The following RANBP2 variants were observed in gnomAD, a reference collection of about 807,000 sequenced individuals.
RANBP2 encodes the protein E3 SUMO-protein ligase RanBP2.
RANBP2 carries 57 observed loss-of-function variants against 303.6 expected under a neutral mutation model. The observed-to-expected ratio is 0.19, with a 90% CI of 0.15 to 0.23. The LOEUF (loss-of-function observed/expected upper bound fraction) is 0.23. RANBP2 is among the 10% of genes least tolerant of loss of function. RANBP2 has a pLI of 1.00. For synonymous variants in RANBP2, 1,167 were observed against 1,301.5 expected (o/e 0.90, Z 2.23); for missense variants, 3,138 against 3,780.8 (o/e 0.83, Z 4.46).
the RANBP2 span, among the ~76,000 whole-genome samples, chr2:109,524,581 A>C: frequency 6.6e-6 from 1 of 151,770 alleles, no homozygotes; most frequent in African/African-American, 2.4e-5. Flanking sequence ...ACATGGTGAA[A>C]CCCTGTCTCT....
the RANBP2 span, among the ~76,000 whole-genome samples, chr2:109,278,010 C>CAAAAA: frequency 1.4e-4 from 11 of 81,284 alleles, no homozygotes; most frequent in African/African-American, 2.1e-4. Flanking sequence ...CTGTCTCTAA[C>CAAAAA]AAAAAAAAAA....
the RANBP2 span, among the ~76,000 whole-genome samples, chr2:109,680,156 T>A: frequency 1.4e-5 from 2 of 142,868 alleles, no homozygotes; most frequent in Non-Finnish European, 3.0e-5. Flanking sequence ...CCATCCTGGC[T>A]AACATGGTGA....
the RANBP2 span, among the ~76,000 whole-genome samples, chr2:109,169,721 T>C: frequency 6.6e-6 from 1 of 150,764 alleles, no homozygotes; most frequent in African/African-American, 2.5e-5. Context: ...TATCTATATA[T>C]ATAACCAAAA....
chr2:108,891,575 T>C, the RANBP2 span, among the ~76,000 whole-genome samples: 1 of 152,212 alleles, frequency 6.6e-6, no homozygotes, highest in Non-Finnish European at 1.5e-5. Flanking sequence ...GGGCTAAGTG[T>C]GCCTGTTTGT....
the RANBP2 span, among the ~76,000 whole-genome samples, chr2:109,116,314 G>A: frequency 6.6e-6 from 1 of 152,124 alleles, no homozygotes; most frequent in Non-Finnish European, 1.5e-5. Context: ...ATATTTCTTG[G>A]AGGCTTTGTT....
the RANBP2 span, among the ~76,000 whole-genome samples, chr2:109,287,562 G>A: frequency 6.6e-6 from 1 of 152,344 alleles, no homozygotes; most frequent in Admixed American, 6.5e-5. Flanking sequence ...CCTTGACCCT[G>A]TTGGTGCTGG....
the RANBP2 span, among the ~76,000 whole-genome samples, chr2:109,012,806 C>T: frequency 1.3e-4 from 20 of 152,144 alleles, no homozygotes; most frequent in South Asian, 2.1e-4. Flanking sequence ...CCCAGCTACT[C>T]GGGAGGCTGA....
chr2:108,835,633 T>C, the RANBP2 span, among the ~76,000 whole-genome samples: 1 of 152,246 alleles, frequency 6.6e-6, no homozygotes, highest in Non-Finnish European at 1.5e-5. Flanking sequence ...TCCACCCATA[T>C]AATTTCTCAA....
chr2:109,434,719 C>T, the RANBP2 span, among the ~76,000 whole-genome samples: 3 of 152,228 alleles, frequency 2.0e-5, no homozygotes, highest in Admixed American at 6.5e-5. Context: ...CCAAGCAGCC[C>T]ACTGGCAAGT....
chr2:109,393,073 G>A, the RANBP2 span, among the ~76,000 whole-genome samples: 1 of 152,208 alleles, frequency 6.6e-6, no homozygotes, highest in Non-Finnish European at 1.5e-5. Flanking sequence ...GCCCGTCTCA[G>A]TGAGGGGAAG....
the RANBP2 span, among the ~76,000 whole-genome samples, chr2:108,919,993 A>G: frequency 1.3e-5 from 2 of 152,116 alleles, no homozygotes; most frequent in African/African-American, 4.8e-5. Context: ...CTCCCCACCA[A>G]GCACCCTCTT....
At chr2:109,473,795 C>T in the RANBP2 span, among the ~76,000 whole-genome samples, 1 of 149,590 alleles carries the variant, frequency 6.7e-6, no homozygotes, top group Non-Finnish European at 1.5e-5. Flanking sequence ...GCCTCTGAGC[C>T]CCCCGTGCAC....
the RANBP2 span, among the ~76,000 whole-genome samples, chr2:109,068,660 T>C: frequency 6.6e-6 from 1 of 152,164 alleles, no homozygotes; most frequent in Non-Finnish European, 1.5e-5. Flanking sequence ...GGAAGAGTGT[T>C]GGACTTGGAG....
the RANBP2 span, among the ~76,000 whole-genome samples, chr2:109,623,270 A>G: frequency 4.6e-5 from 7 of 152,118 alleles, no homozygotes; most frequent in Non-Finnish European, 7.4e-5. Flanking sequence ...CCTTGAGCCC[A>G]TACCCACCCC....
chr2:109,318,788 T>C, the RANBP2 span, among the ~76,000 whole-genome samples: 2 of 152,202 alleles, frequency 1.3e-5, no homozygotes. Context: ...AGCCCAGCCC[T>C]GACGAGCTCT....
At chr2:109,146,030 G>A in the RANBP2 span, among the ~76,000 whole-genome samples, 2 of 151,614 alleles carry the variant, frequency 1.3e-5, no homozygotes, top group African/African-American at 2.4e-5. Context: ...TATGTGGGCC[G>A]ACGGAGTCCA....
At chr2:109,384,470 C>A in the RANBP2 span, among the ~76,000 whole-genome samples, 1 of 151,754 alleles carries the variant, frequency 6.6e-6, no homozygotes, top group East Asian at 1.9e-4. Context: ...GACTCTAAGC[C>A]AGGGTGACCA....
At chr2:109,315,019 G>A in the RANBP2 span, among the ~76,000 whole-genome samples, 2 of 152,122 alleles carry the variant, frequency 1.3e-5, no homozygotes, top group African/African-American at 4.8e-5. Flanking sequence ...GGTAGCCACC[G>A]ACCACACTCA....
At chr2:109,726,967 T>C in the RANBP2 span, among the ~76,000 whole-genome samples, 1 of 152,178 alleles carries the variant, frequency 6.6e-6, no homozygotes, top group Non-Finnish European at 1.5e-5. Flanking sequence ...CAGAGCTGCA[T>C]GCTGAGACTG....
Sources: gnomAD v4.1 joint callset for allele counts (sites outside exome capture counted in the v4.1 genomes callset) on GRCh38, gnomAD v4.1.1 for gene constraint, MANE v1.5 for transcripts, NCBI Gene and HGNC (gene_info 2026-07-23, HGNC 2026-07-21) for gene names.